Variants in EPHB1 observed in about 807,000 individuals in gnomAD.
EPHB1 encodes EPH receptor B1.
In EPHB1, 30 loss-of-function variants were observed where a neutral mutation model predicts 94.4. The observed-to-expected ratio is 0.32, with a 90% CI of 0.24 to 0.43. The LOEUF (loss-of-function observed/expected upper bound fraction) is 0.43. Among genes scored for constraint, EPHB1 ranks in the 20% least tolerant of loss-of-function variants. The pLI is 1.00. For synonymous variants in EPHB1, 522 were observed against 489.1 expected, an observed-to-expected ratio of 1.07 and a Z score of -0.89; for missense variants, 1,055 against 1,308.3, an observed-to-expected ratio of 0.81 and a Z score of 2.99.
At chr3:134,917,868 T>C (rs1422363892) in intron 1 of EPHB1, among the ~76,000 whole-genome samples, 2 of 152,232 alleles carry the variant, frequency 1.3e-5, no homozygotes, top group African/African-American at 4.8e-5. Flanking sequence ...GTGAGTCAAA[T>C]GAGTGTTCTT....
At chr3:135,081,599 G>A (rs1223000999) in intron 3 of EPHB1, among the ~76,000 whole-genome samples, 2 of 152,168 alleles carry the variant, frequency 1.3e-5, no homozygotes, top group African/African-American at 4.8e-5. Context: ...CGCCACTGCT[G>A]CCCAAGGAGC....
At chr3:135,251,052 A>ATTT (rs71245397) in intron 15 of EPHB1, among the ~76,000 whole-genome samples, 156 of 142,648 alleles carry the variant, frequency 1.1e-3, no homozygotes, top group African/African-American at 2.6e-3. Context: ...TCTGAGGTCT[A>ATTT]TTTTTTTTTT....
At chr3:134,815,942 G>GT (rs951215997) in intron 1 of EPHB1, among the ~76,000 whole-genome samples, 1 of 133,416 alleles carries the variant, frequency 7.5e-6, no homozygotes, top group African/African-American at 2.8e-5. Context: ...GCACACATTT[G>GT]TTTTTTGGGG....
rs57873051 is a variant in EPHB1 at position 134,994,986 on chromosome 3, TTG to T, written c.805+42962_805+42963del. ...CAGATATCACCAGTTTTACATACAC[TTG>T]TGTGTGTGTGTGTGTGTGTGTGTGT... On this transcript the variant is annotated intron_variant, in intron 3 of 15. Coordinates refer to ENST00000398015, the MANE Select transcript of EPHB1 (RefSeq NM_004441.5). 4.8e-3 allele frequency among the ~76,000 whole-genome samples: 711 copies of T among 148,374 alleles called. 6 individuals carry two copies. The highest frequency in any genetic ancestry group is 0.015 in the East Asian group (73 of 5,024).
intron 1 of EPHB1, among the ~76,000 whole-genome samples, chr3:134,893,224 AC>A (rs2038021815): frequency 6.6e-6 from 1 of 152,022 alleles, no homozygotes; most frequent in East Asian, 1.9e-4. Flanking sequence ...AGCCTATAAA[AC>A]CTTTTTTGTT....
intron 13 of EPHB1, among the ~76,000 whole-genome samples, chr3:135,241,914 A>G (rs1214031479): frequency 6.6e-6 from 1 of 152,184 alleles, no homozygotes; most frequent in African/African-American, 2.4e-5. Flanking sequence ...GCCACAGGAG[A>G]GGGTCCCTGT....
chr3:135,045,094 A>C (rs1936960195), intron 3 of EPHB1, among the ~76,000 whole-genome samples: 1 of 152,112 alleles, frequency 6.6e-6, no homozygotes, highest in Non-Finnish European at 1.5e-5. Flanking sequence ...GTTCAGAACT[A>C]TTTTCACAAT....
At chr3:134,947,401 C>A (rs1248299642) in intron 2 of EPHB1, among the ~76,000 whole-genome samples, 1 of 152,128 alleles carries the variant, frequency 6.6e-6, no homozygotes, top group Non-Finnish European at 1.5e-5. Flanking sequence ...TTTCTTCAAC[C>A]CCTACAGAGC....
intron 2 of EPHB1, among the ~76,000 whole-genome samples, chr3:134,942,310 G>A (rs555234360): frequency 5.9e-5 from 9 of 151,688 alleles, no homozygotes; most frequent in South Asian, 2.1e-4. Flanking sequence ...AAACTCATAC[G>A]AGCAGGGGAA....
chr3:134,978,251 C>G (rs1405176894), intron 3 of EPHB1, among the ~76,000 whole-genome samples: 1 of 152,160 alleles, frequency 6.6e-6, no homozygotes, highest in Non-Finnish European at 1.5e-5. Context: ...TAGTTGGGCT[C>G]TCTCTTGTCT....
chr3:135,185,371 G>A (rs1942301656), intron 10 of EPHB1, among the ~76,000 whole-genome samples: 1 of 152,222 alleles, frequency 6.6e-6, no homozygotes, highest in African/African-American at 2.4e-5. Context: ...ACATTGAATA[G>A]AAGTTACGGC....
intron 3 of EPHB1, among the ~76,000 whole-genome samples, chr3:135,053,987 G>A (rs1473216490): frequency 6.7e-6 from 1 of 148,756 alleles, no homozygotes; most frequent in Non-Finnish European, 1.5e-5. Context: ...ATGAGATCCT[G>A]TCTCTAAATA....
intron 7 of EPHB1, among the ~76,000 whole-genome samples, chr3:135,164,635 C>G (rs1941600369): frequency 6.6e-6 from 1 of 151,606 alleles, no homozygotes; most frequent in Non-Finnish European, 1.5e-5. Context: ...ATGGTAAAAC[C>G]CCATCTCTAC....
intron 12 of EPHB1, among the ~76,000 whole-genome samples, chr3:135,215,251 C>T (rs1296876888): frequency 1.3e-5 from 2 of 152,050 alleles, no homozygotes; most frequent in African/African-American, 4.8e-5. Context: ...GCAACCTCCA[C>T]CTCCTGGGTT....
intron 2 of EPHB1, among the ~76,000 whole-genome samples, chr3:134,926,567 A>G (rs1217621244): frequency 6.6e-6 from 1 of 152,172 alleles, no homozygotes; most frequent in Non-Finnish European, 1.5e-5. Context: ...GCCGGTTGAA[A>G]GGGATGATGA....
At chr3:135,233,881 C>A (rs556718834) in intron 12 of EPHB1, among the ~76,000 whole-genome samples, 2 of 149,896 alleles carry the variant, frequency 1.3e-5, no homozygotes, top group East Asian at 1.9e-4. Context: ...TGTACCTTGA[C>A]CCCTTTTGGC....
intron 1 of EPHB1, among the ~76,000 whole-genome samples, chr3:134,801,470 T>C (rs1233778373): frequency 6.6e-6 from 1 of 152,182 alleles, no homozygotes; most frequent in Non-Finnish European, 1.5e-5. Context: ...GTCGAGAGCG[T>C]GTTCCTGCAC....
chr3:134,959,179 A>G (rs1346969333), intron 3 of EPHB1, among the ~76,000 whole-genome samples: 2 of 152,156 alleles, frequency 1.3e-5, no homozygotes, highest in African/African-American at 2.4e-5. Flanking sequence ...CAGGAGTCCA[A>G]TAGGGGCCCT....
intron 3 of EPHB1, among the ~76,000 whole-genome samples, chr3:134,992,280 T>C (rs1311531886): frequency 1.3e-5 from 2 of 151,994 alleles, no homozygotes; most frequent in Non-Finnish European, 1.5e-5. Context: ...CTGGAGTCTG[T>C]TTTCAGGGCC....
Sources: gnomAD v4.1 joint callset for allele counts (sites outside exome capture counted in the v4.1 genomes callset) on GRCh38, gnomAD v4.1.1 for gene constraint, MANE v1.5 for transcripts, NCBI Gene and HGNC (gene_info 2026-07-23, HGNC 2026-07-21) for gene names.